COL25A1: variants seen among roughly 807,000 people sequenced by gnomAD.
COL25A1 encodes collagen type XXV alpha 1 chain, also known as collagen alpha-1(XXV) chain.
Under a neutral mutation model 128.4 loss-of-function variants are expected in COL25A1, and 103 were observed. The observed-to-expected ratio is 0.80, with a 90% CI of 0.68 to 0.94. The LOEUF (loss-of-function observed/expected upper bound fraction) is 0.94, where lower values mean the gene tolerates loss of function less well. Ranked by LOEUF, COL25A1 falls within the 40% of genes least tolerant of loss-of-function variation. The probability of loss-of-function intolerance (pLI) is 0.00; values close to 1 mark genes in which losing one functional copy is unlikely to be tolerated. For synonymous variants in COL25A1, 279 were observed against 277.2 expected, an observed-to-expected ratio of 1.01 and a Z score of -0.06; for missense variants, 745 against 840.0, an observed-to-expected ratio of 0.89 and a Z score of 1.40.
intron 6 of COL25A1, among the ~76,000 whole-genome samples, chr4:108,984,487 G>A (rs1020347006): frequency 1.3e-5 from 2 of 152,226 alleles, no homozygotes; most frequent in African/African-American, 4.8e-5. Flanking sequence ...ACCATGAGGG[G>A]GGCGGGAGGG....
intron 16 of COL25A1, among the ~76,000 whole-genome samples, chr4:108,896,343 C>T (rs949746087): frequency 2.6e-5 from 4 of 151,968 alleles, no homozygotes; most frequent in East Asian, 1.9e-4. Flanking sequence ...CATATACCTG[C>T]GCATAAAGGG....
intron 3 of COL25A1, among the ~76,000 whole-genome samples, chr4:109,276,496 A>G (rs902486931): frequency 6.6e-6 from 1 of 152,098 alleles, no homozygotes; most frequent in African/African-American, 2.4e-5. Context: ...TATTTATAGT[A>G]TAATTCTTTG....
At chr4:109,145,996 TC>T (rs775138469) in intron 3 of COL25A1, among the ~76,000 whole-genome samples, 33 of 152,222 alleles carry the variant, frequency 2.2e-4, no homozygotes, top group Non-Finnish European at 3.4e-4. Context: ...GAAGCCTATT[TC>T]TTTCTAATTT....
intron 3 of COL25A1, among the ~76,000 whole-genome samples, chr4:109,132,954 T>C (rs1769373534): frequency 6.6e-6 from 1 of 152,124 alleles, no homozygotes; most frequent in African/African-American, 2.4e-5. Context: ...TATGTATTCA[T>C]TTAAATTTTT....
At chr4:108,953,198 T>G (rs11098016) in intron 8 of COL25A1, among the ~76,000 whole-genome samples, 6,622 of 152,220 alleles carry the variant, frequency 0.044, 368 homozygotes, top group African/African-American at 0.13. Context: ...AGGTAATGGA[T>G]TGCTTGGAAC....
chr4:108,924,342 T>C (rs931417443), intron 11 of COL25A1, among the ~76,000 whole-genome samples: 1 of 152,210 alleles, frequency 6.6e-6, no homozygotes, highest in African/African-American at 2.4e-5. Context: ...TAAGAAATTA[T>C]ATAGTATACT....
At chr4:108,945,445 C>T (rs1399184023) in intron 8 of COL25A1, among the ~76,000 whole-genome samples, 1 of 152,104 alleles carries the variant, frequency 6.6e-6, no homozygotes, top group Non-Finnish European at 1.5e-5. Flanking sequence ...GCTGCTCATA[C>T]AGAGGATATA....
intron 36 of COL25A1, among the ~76,000 whole-genome samples, chr4:108,818,559 A>G (rs1439241941): frequency 6.6e-6 from 1 of 152,216 alleles, no homozygotes; most frequent in African/African-American, 2.4e-5. Context: ...GCAGAATTTT[A>G]GATTTTAGTA....
At chr4:109,297,274 T>C (rs891171590) in intron 3 of COL25A1, among the ~76,000 whole-genome samples, 2 of 152,118 alleles carry the variant, frequency 1.3e-5, no homozygotes, top group Non-Finnish European at 2.9e-5. Flanking sequence ...TTAATCTGTT[T>C]TAAAAATCTT....
At chr4:109,201,375 T>A (rs1027218104) in intron 3 of COL25A1, among the ~76,000 whole-genome samples, 2 of 152,100 alleles carry the variant, frequency 1.3e-5, no homozygotes, top group Non-Finnish European at 2.9e-5. Flanking sequence ...CACAACAGGC[T>A]AAGAAAGAAA....
chr4:109,191,701 T>C (rs926451835), intron 3 of COL25A1, among the ~76,000 whole-genome samples: 12 of 152,362 alleles, frequency 7.9e-5, no homozygotes, highest in Middle Eastern at 6.8e-3. Flanking sequence ...AGCACTTATA[T>C]ATATAGCAAT....
intron 3 of COL25A1, among the ~76,000 whole-genome samples, chr4:109,233,892 G>C (rs866567271): frequency 2.0e-5 from 3 of 152,126 alleles, no homozygotes; most frequent in South Asian, 4.1e-4. Context: ...ATGGTCTTCA[G>C]ATCATAGCTA....
intron 33 of COL25A1, among the ~76,000 whole-genome samples, chr4:108,825,827 G>A (rs984609149): frequency 6.6e-6 from 1 of 152,166 alleles, no homozygotes; most frequent in African/African-American, 2.4e-5. Context: ...CTTAAAAGCT[G>A]TTTTTAAGTA....
At chr4:108,946,469 T>G (rs745620292) in intron 8 of COL25A1, among the ~76,000 whole-genome samples, 1 of 152,228 alleles carries the variant, frequency 6.6e-6, no homozygotes, top group Non-Finnish European at 1.5e-5. Context: ...GTTTATAATT[T>G]TCTTCTACCT....
intron 5 of COL25A1, among the ~76,000 whole-genome samples, chr4:109,025,885 T>C (rs570397278): frequency 6.6e-6 from 1 of 152,122 alleles, no homozygotes; most frequent in African/African-American, 2.4e-5. Context: ...TAACGTTTCC[T>C]TAGTCAAACA....
At chr4:109,132,777 G>C (rs1217760347) in intron 3 of COL25A1, among the ~76,000 whole-genome samples, 1 of 152,046 alleles carries the variant, frequency 6.6e-6, no homozygotes. Flanking sequence ...AATTTTCAAA[G>C]ACACTTCTAA....
chr4:108,899,011 A>ATATCTATATATCTATATATCTATC (rs1553963412), intron 15 of COL25A1, 143 bp downstream of exon 15: 2 of 585,904 alleles, frequency 3.4e-6, no homozygotes, highest in African/African-American at 3.8e-5. Context: ...ATATATCTAT[A>ATATCTATATATCTATATATCTATC]TACCTACCTA....
intron 3 of COL25A1, among the ~76,000 whole-genome samples, chr4:109,298,106 T>A (rs1725166870): frequency 6.6e-6 from 1 of 152,036 alleles, no homozygotes; most frequent in African/African-American, 2.4e-5. Flanking sequence ...CTTCTCTGAG[T>A]CTCAGTTTCC....
At chr4:108,975,391 G>A (rs1171109584) in intron 6 of COL25A1, among the ~76,000 whole-genome samples, 1 of 152,246 alleles carries the variant, frequency 6.6e-6, no homozygotes, top group African/African-American at 2.4e-5. Flanking sequence ...GGGAGGTGGA[G>A]GTTGAGGTGA....
Sources: allele counts gnomAD v4.1 joint callset (sites outside exome capture counted in the v4.1 genomes callset), GRCh38; gene constraint gnomAD v4.1.1; transcripts MANE v1.5; gene names NCBI Gene and HGNC (gene_info 2026-07-23, HGNC 2026-07-21).